The following TENM3 variants were observed in gnomAD, a reference collection of about 807,000 sequenced individuals.
TENM3 encodes teneurin transmembrane protein 3, also known as teneurin-3.
A neutral mutation model predicts 255.1 loss-of-function variants in TENM3; 63 were observed. That is an observed-to-expected ratio of 0.25 (90% CI 0.20 to 0.30). The LOEUF (loss-of-function observed/expected upper bound fraction) is 0.30, where lower values mean the gene tolerates loss of function less well. Among genes scored for constraint, TENM3 ranks in the 10% least tolerant of loss-of-function variants. The pLI is 1.00. For synonymous variants in TENM3, 1,306 were observed against 1,322.3 expected, an observed-to-expected ratio of 0.99 and a Z score of 0.27; for missense variants, 2,929 against 3,461.1, an observed-to-expected ratio of 0.85 and a Z score of 3.86.
the TENM3 span, among the ~76,000 whole-genome samples, chr4:182,059,746 A>G: frequency 1.2e-5 from 1 of 86,202 alleles, no homozygotes; most frequent in South Asian, 3.3e-4. Context: ...CTGTCTCTAC[A>G]AAAAAAAAAA....
chr4:182,706,922 G>A (rs906157447), intron 12 of TENM3, among the ~76,000 whole-genome samples: 18 of 150,772 alleles, frequency 1.2e-4, no homozygotes, highest in African/African-American at 3.9e-4. Context: ...TTGCACCAGC[G>A]CACTCCAGCC....
chr4:181,703,364 C>A, the TENM3 span, among the ~76,000 whole-genome samples: 1 of 152,304 alleles, frequency 6.6e-6, no homozygotes, highest in African/African-American at 2.4e-5. Flanking sequence ...CTCAGGCTTT[C>A]TTTCCTACAG....
the TENM3 span, among the ~76,000 whole-genome samples, chr4:181,664,333 C>T: frequency 6.6e-5 from 10 of 151,856 alleles, no homozygotes; most frequent in Non-Finnish European, 1.2e-4. Flanking sequence ...AGCTGGGTGT[C>T]GTGGTGGTCA....
chr4:181,956,636 G>T, the TENM3 span, among the ~76,000 whole-genome samples: 1 of 152,182 alleles, frequency 6.6e-6, no homozygotes, highest in Non-Finnish European at 1.5e-5. Flanking sequence ...AGAGTTACAA[G>T]ATGTTTCTTT....
intron 27 of TENM3, among the ~76,000 whole-genome samples, chr4:182,798,825 C>G (rs955445363): frequency 6.6e-6 from 1 of 152,160 alleles, no homozygotes; most frequent in Non-Finnish European, 1.5e-5. Context: ...TACAGAAAAA[C>G]AACTGTTTCT....
intron 3 of TENM3, among the ~76,000 whole-genome samples, chr4:182,544,827 A>G (rs1280570655): frequency 6.6e-6 from 1 of 152,206 alleles, no homozygotes; most frequent in Non-Finnish European, 1.5e-5. Flanking sequence ...CCACACTGTT[A>G]AAGACAGTAT....
the TENM3 span, among the ~76,000 whole-genome samples, chr4:181,970,145 A>T: frequency 2.0e-5 from 3 of 152,252 alleles, no homozygotes; most frequent in African/African-American, 7.2e-5. Flanking sequence ...AATAGTATTC[A>T]TCTAGACATA....
the TENM3 span, among the ~76,000 whole-genome samples, chr4:181,966,237 A>G: frequency 2.6e-5 from 4 of 152,044 alleles, no homozygotes; most frequent in East Asian, 7.7e-4. Flanking sequence ...ACACAGGGAG[A>G]TTTATTCAGC....
intron 5 of TENM3, among the ~76,000 whole-genome samples, chr4:182,643,894 G>A (rs2175932): frequency 0.075 from 11,344 of 152,214 alleles, 480 homozygotes; most frequent in East Asian, 0.15. Context: ...GGAATGGCAG[G>A]CATTTTCAGC....
At chr4:182,514,124 G>C (rs1737695069) in intron 3 of TENM3, among the ~76,000 whole-genome samples, 1 of 152,208 alleles carries the variant, frequency 6.6e-6, no homozygotes, top group African/African-American at 2.4e-5. Context: ...TGTATTGTCA[G>C]TGGCAGTCAC....
chr4:181,868,517 A>C, the TENM3 span, among the ~76,000 whole-genome samples: 2 of 152,308 alleles, frequency 1.3e-5, no homozygotes, highest in South Asian at 4.1e-4. Flanking sequence ...CACCTGTTTT[A>C]ATCGAGGGTC....
upstream of TENM3, chr4:182,142,552 T>A (rs1279007163): frequency 6.0e-6 from 1 of 167,210 alleles, no homozygotes; most frequent in Non-Finnish European, 1.5e-5. Flanking sequence ...TGCAAGTGGA[T>A]TTCCTAACGG....
intron 24 of TENM3, among the ~76,000 whole-genome samples, chr4:182,787,710 G>C (rs1481339905): frequency 6.9e-6 from 1 of 144,304 alleles, no homozygotes; most frequent in African/African-American, 2.7e-5. Context: ...ACTCCAGCCT[G>C]GGCGACAAGG....
chr4:181,892,127 C>T, the TENM3 span, among the ~76,000 whole-genome samples: 4 of 152,284 alleles, frequency 2.6e-5, no homozygotes, highest in South Asian at 8.3e-4. Flanking sequence ...TTGCAAATTA[C>T]ATAGTTTGTG....
upstream of TENM3, among the ~76,000 whole-genome samples, chr4:182,241,518 C>CTTTTTTTTTT (rs982739950): frequency 0.013 from 1,528 of 114,140 alleles, 54 homozygotes; most frequent in African/African-American, 0.033. Context: ...TTTTTTCTTT[C>CTTTTTTTTTT]TTTTTTTTTT....
chr4:181,568,073 G>C, the TENM3 span, among the ~76,000 whole-genome samples: 2 of 151,522 alleles, frequency 1.3e-5, no homozygotes. Context: ...GCATCTAGCA[G>C]TTTTTCTCAT....
At chr4:182,596,672 G>A (rs1747261504) in intron 3 of TENM3, among the ~76,000 whole-genome samples, 1 of 152,182 alleles carries the variant, frequency 6.6e-6, no homozygotes, top group African/African-American at 2.4e-5. Flanking sequence ...TATGCGAAGA[G>A]GACACACGAG....
At chr4:181,830,512 A>G in the TENM3 span, among the ~76,000 whole-genome samples, 11,946 of 151,960 alleles carry the variant, frequency 0.079, 1,069 homozygotes, top group East Asian at 0.53. Context: ...ACCTCAGGCG[A>G]TCCACCCACT....
Position 182,799,984 on chromosome 4 carries a change from C to G in TENM3, c.7733C>G (p.Thr2578Arg). The G allele has an allele frequency of 1.3e-6, 2 of 1,591,582 alleles. No homozygotes were observed. Among genetic ancestry groups the G allele is most frequent in the East Asian group, 2.3e-5 (1 of 43,492 alleles). The change falls in exon 28 of 28, where the codon ACG (threonine) becomes AGG (arginine). Residue 2578 changes from threonine (T) to arginine (R), a missense_variant. By Grantham distance (71) the Thr-to-Arg change is moderately conservative. Around this residue, in one of 6 missense-constraint regions of TENM3, gnomAD observed 476 missense variants for 480.1 expected, o/e 0.99. Coordinates refer to ENST00000511685, the MANE Select transcript of TENM3 (RefSeq NM_001080477.4). This position sits in a 1 kb window ranked among gnomAD's most constrained non-coding sequence, Gnocchi z 4.2. ...RKALENGINV[T>R]VSQSTTVVNG... ...GCGCTGGAGAACGGCATCAACGTGA[C>G]GGTGTCGCAGTCCACCACGGTGGTG...
Sources: allele counts gnomAD v4.1 joint callset (sites outside exome capture counted in the v4.1 genomes callset), GRCh38; gene constraint gnomAD v4.1.1; regional missense constraint gnomAD v4.1.1; non-coding constraint Gnocchi (gnomAD v3.1); transcripts MANE v1.5; gene names NCBI Gene and HGNC (gene_info 2026-07-23, HGNC 2026-07-21).